The following SNX30 variants were observed in gnomAD, a reference collection of about 807,000 sequenced individuals.
The protein encoded by SNX30 is sorting nexin-30.
Under a neutral mutation model 46.4 loss-of-function variants are expected in SNX30, and 24 were observed. The observed-to-expected ratio is 0.52, with a 90% CI of 0.37 to 0.73. The LOEUF is 0.73. Among genes scored for constraint, SNX30 ranks in the 30% least tolerant of loss-of-function variants. The pLI, the probability that SNX30 is intolerant of heterozygous loss-of-function variation, is 0.00. For synonymous variants in SNX30, 189 were observed against 211.5 expected (o/e 0.89, Z 0.92); for missense variants, 533 against 555.7 (o/e 0.96, Z 0.41).
At chr9:112,861,289 GA>G (rs1232215914) in intron 7 of SNX30, among the ~76,000 whole-genome samples, 1 of 152,202 alleles carries the variant, frequency 6.6e-6, no homozygotes, top group Non-Finnish European at 1.5e-5. Flanking sequence ...AAGAAAAGCA[GA>G]AGTATAGCTT....
At chr9:112,842,380 G>T (rs1198933079) in intron 6 of SNX30, among the ~76,000 whole-genome samples, 1 of 152,212 alleles carries the variant, frequency 6.6e-6, no homozygotes, top group Non-Finnish European at 1.5e-5. Flanking sequence ...CTAATGGTGA[G>T]TGTTTGTCCT....
At chr9:112,827,776 T>C (rs1840600257) in intron 3 of SNX30, among the ~76,000 whole-genome samples, 2 of 152,250 alleles carry the variant, frequency 1.3e-5, no homozygotes, top group Admixed American at 6.5e-5. Context: ...TTGTGTTTAA[T>C]GTCTTACTTT....
chr9:112,806,837 A>C (rs1288067039), intron 2 of SNX30, among the ~76,000 whole-genome samples: 1 of 152,058 alleles, frequency 6.6e-6, no homozygotes, highest in East Asian at 1.9e-4. Context: ...GTATAGTTAG[A>C]ATGTATATGA....
At chr9:112,854,818 T>C (rs1841094357) in intron 7 of SNX30, among the ~76,000 whole-genome samples, 1 of 152,194 alleles carries the variant, frequency 6.6e-6, no homozygotes, top group Non-Finnish European at 1.5e-5. Context: ...TAGCTTGCAC[T>C]GATCCGCTCC....
At chr9:112,795,830 C>T (rs1355596860) in intron 1 of SNX30, among the ~76,000 whole-genome samples, 1 of 151,850 alleles carries the variant, frequency 6.6e-6, no homozygotes, top group Non-Finnish European at 1.5e-5. Flanking sequence ...GTTGCAGTCA[C>T]TGGGGACTTA....
chr9:112,785,387 T>C (rs1485515823), intron 1 of SNX30, among the ~76,000 whole-genome samples: 1 of 150,476 alleles, frequency 6.6e-6, no homozygotes, highest in Non-Finnish European at 1.5e-5. Flanking sequence ...GGCTAAGTTT[T>C]TTTTTTTTTT....
intron 2 of SNX30, among the ~76,000 whole-genome samples, chr9:112,805,199 A>G (rs1160107447): frequency 1.6e-5 from 2 of 128,560 alleles, no homozygotes; most frequent in African/African-American, 6.1e-5. Context: ...TCAAATAAAC[A>G]TTTAATCCCT....
intron 2 of SNX30, among the ~76,000 whole-genome samples, chr9:112,814,544 C>T (rs1024674635): frequency 3.3e-5 from 5 of 152,082 alleles, no homozygotes; most frequent in African/African-American, 7.2e-5. Context: ...CCTGGCTGGA[C>T]TTATAATTTT....
At chr9:112,786,743 A>G (rs1220645161) in intron 1 of SNX30, among the ~76,000 whole-genome samples, 4 of 151,662 alleles carry the variant, frequency 2.6e-5, no homozygotes, top group African/African-American at 4.8e-5. Context: ...GGCTCAAGCA[A>G]TCTGCCCACC....
intron 1 of SNX30, among the ~76,000 whole-genome samples, chr9:112,797,355 A>G (rs920004482): frequency 3.9e-5 from 6 of 152,226 alleles, no homozygotes; most frequent in Non-Finnish European, 7.3e-5. Context: ...AATTTTAAGC[A>G]TATAGAAAAG....
chr9:112,795,883 A>C (rs572374922), intron 1 of SNX30, among the ~76,000 whole-genome samples: 1 of 152,120 alleles, frequency 6.6e-6, no homozygotes, highest in African/African-American at 2.4e-5. Context: ...AATGATTAAA[A>C]CTACAAAATG....
Position 112,837,303 on chromosome 9 carries a change from AC to A in SNX30, c.814+896del, listed in dbSNP as rs779374118. Among the ~76,000 whole-genome samples the A allele has an allele frequency of 2.0e-5, 3 of 151,900 alleles. No homozygotes were observed. The South Asian group carries it at 6.2e-4, about 32-fold the overall frequency. The stretch of plus-strand genomic sequence containing the variant: ...ATAGGTTTTGGAGATAGCTGTGGAT[AC>A]CATCCACACCTAAGGATCTTGCAGA... On this transcript the variant is annotated intron_variant, in intron 5 of 8. Coordinates refer to ENST00000374232, the MANE Select transcript of SNX30 (RefSeq NM_001012994.2).
intron 7 of SNX30, among the ~76,000 whole-genome samples, chr9:112,860,868 A>T (rs1377574072): frequency 6.6e-6 from 1 of 152,222 alleles, no homozygotes; most frequent in Non-Finnish European, 1.5e-5. Context: ...ATTGATACTG[A>T]TATGAGCTAA....
intron 2 of SNX30, among the ~76,000 whole-genome samples, chr9:112,811,427 T>C (rs1418409): frequency 0.94 from 142,601 of 152,216 alleles, 66,875 homozygotes; most frequent in East Asian, 1. Flanking sequence ...TTGTTGGGCA[T>C]GTCAGCTCTT....
intron 8 of SNX30, among the ~76,000 whole-genome samples, chr9:112,867,050 T>C (rs111063843): frequency 0.74 from 25,763 of 34,816 alleles, 8,602 homozygotes; most frequent in Non-Finnish European, 0.77. Context: ...CAGAATTCTT[T>C]CTCCCTCCTC....
chr9:112,834,961 G>C (rs1299056950), intron 4 of SNX30, among the ~76,000 whole-genome samples: 1 of 151,678 alleles, frequency 6.6e-6, no homozygotes, highest in East Asian at 1.9e-4. Flanking sequence ...GTGAATTCAC[G>C]AGGTGCCTAC....
intron 2 of SNX30, 67 bp from the exon 3 acceptor site, chr9:112,817,638 T>C: frequency 1.1e-6 from 1 of 949,436 alleles, no homozygotes; most frequent in Non-Finnish European, 1.7e-6. Flanking sequence ...TAAGAGCTTT[T>C]TTCCTTCCCT....
chr9:112,875,706 A>G (rs1841509803), downstream of SNX30: 1 of 152,274 alleles, frequency 6.6e-6, no homozygotes. Context: ...TATTAAGGCT[A>G]TTAGGATATT....
chr9:112,796,014 T>G (rs1840103452), intron 1 of SNX30, among the ~76,000 whole-genome samples: 1 of 151,960 alleles, frequency 6.6e-6, no homozygotes. Flanking sequence ...ATTTGGAGAT[T>G]ATTATGTACA....
Sources: gnomAD v4.1 joint callset for allele counts (sites outside exome capture counted in the v4.1 genomes callset) on GRCh38, gnomAD v4.1.1 for gene constraint, MANE v1.5 for transcripts, NCBI Gene and HGNC (gene_info 2026-07-23, HGNC 2026-07-21) for gene names.